The following DLG2 variants were observed in gnomAD, a reference collection of about 807,000 sequenced individuals.
DLG2 encodes the protein discs large MAGUK scaffold protein 2.
In DLG2, 45 loss-of-function variants were observed where a neutral mutation model predicts 132.5. That is an observed-to-expected ratio of 0.34 (90% confidence interval 0.27 to 0.44). The LOEUF (loss-of-function observed/expected upper bound fraction) is 0.44, where lower values mean the gene tolerates loss of function less well. DLG2 is among the 20% of genes least tolerant of loss of function. The probability of loss-of-function intolerance (pLI) is 1.00; values close to 1 mark genes in which losing one functional copy is unlikely to be tolerated. For synonymous variants in DLG2, 424 were observed against 419.6 expected, an observed-to-expected ratio of 1.01 and a Z score of -0.13; for missense variants, 1,045 against 1,196.9, an observed-to-expected ratio of 0.87 and a Z score of 1.87.
intron 6 of DLG2, among the ~76,000 whole-genome samples, chr11:84,771,895 A>G (rs1165125639): frequency 6.6e-6 from 1 of 152,216 alleles, no homozygotes; most frequent in East Asian, 1.9e-4. Context: ...ATCAATGTAC[A>G]AAAAGCAGTA....
chr11:84,986,401 A>G (rs1482419932), intron 6 of DLG2, among the ~76,000 whole-genome samples: 1 of 152,196 alleles, frequency 6.6e-6, no homozygotes, highest in Non-Finnish European at 1.5e-5. Context: ...ATTCCACAAG[A>G]TAGAGAAAGA....
chr11:84,991,240 T>A (rs1241565036), intron 6 of DLG2, among the ~76,000 whole-genome samples: 1 of 152,194 alleles, frequency 6.6e-6, no homozygotes, highest in Non-Finnish European at 1.5e-5. Flanking sequence ...TTGGGCATAG[T>A]GGCCAGTGCC....
At chr11:84,746,065 A>G (rs1484736601) in intron 6 of DLG2, among the ~76,000 whole-genome samples, 2 of 152,174 alleles carry the variant, frequency 1.3e-5, no homozygotes, top group East Asian at 1.9e-4. Context: ...TGGATGATAT[A>G]TTGTTTCTAC....
rs1274971770 is a variant in DLG2 at position 85,101,013 on chromosome 11, GT to G, written c.357+10647del. On this transcript the variant is annotated intron_variant, in intron 6 of 27. Coordinates refer to ENST00000376104, the MANE Select transcript of DLG2 (RefSeq NM_001142699.3). Reference sequence around the variant, plus strand: ...CAAAACAGCTTTAGAAATAATTTTAGTTTTTTATGTGTTGACTCATGACCAA... The same window carrying G: ...CAAAACAGCTTTAGAAATAATTTTAGTTTTTATGTGTTGACTCATGACCAA... Among the ~76,000 whole-genome samples the G allele has an allele frequency of 3.9e-5, 6 of 152,240 alleles. No individual in the cohort carries two copies. In the East Asian group the frequency reaches 1.2e-3, roughly 29 times the overall value.
intron 7 of DLG2, among the ~76,000 whole-genome samples, chr11:84,419,357 A>C (rs2098940756): frequency 6.6e-6 from 1 of 152,238 alleles, no homozygotes; most frequent in African/African-American, 2.4e-5. Flanking sequence ...GGGAGAAATT[A>C]CACAAACTAA....
chr11:84,039,268 T>A (rs1173613430), intron 11 of DLG2, among the ~76,000 whole-genome samples: 3 of 151,498 alleles, frequency 2.0e-5, no homozygotes, highest in Non-Finnish European at 4.4e-5. Context: ...GTGCACATTG[T>A]GCAGGTTAGT....
At chr11:83,466,147 T>C (rs2090994883) in intron 26 of DLG2, among the ~76,000 whole-genome samples, 1 of 152,250 alleles carries the variant, frequency 6.6e-6, no homozygotes, top group Non-Finnish European at 1.5e-5. Context: ...TTAAGAACGA[T>C]GTTCTATGTA....
At chr11:85,158,100 G>A (rs757592331) in intron 4 of DLG2, among the ~76,000 whole-genome samples, 1 of 152,098 alleles carries the variant, frequency 6.6e-6, no homozygotes, top group East Asian at 1.9e-4. Context: ...TAGAGGTGAA[G>A]TTCAGAGTGT....
chr11:85,241,119 G>A, intron 4 of DLG2, among the ~76,000 whole-genome samples: 1 of 151,116 alleles, frequency 6.6e-6, no homozygotes, highest in East Asian at 1.9e-4. Flanking sequence ...CACAGTTTTG[G>A]TAGATTTATT....
chr11:85,551,308 TA>T (rs1253302643), intron 3 of DLG2, among the ~76,000 whole-genome samples: 1 of 152,168 alleles, frequency 6.6e-6, no homozygotes, highest in East Asian at 1.9e-4. Context: ...AATATGAATA[TA>T]TAATCAGCAA....
At chr11:84,518,599 C>T (rs1411264571) in intron 7 of DLG2, among the ~76,000 whole-genome samples, 1 of 152,124 alleles carries the variant, frequency 6.6e-6, no homozygotes, top group Non-Finnish European at 1.5e-5. Flanking sequence ...TCAAAACTGT[C>T]AGCATCTGCT....
chr11:84,661,156 G>A (rs907351467), intron 6 of DLG2, among the ~76,000 whole-genome samples: 1 of 152,128 alleles, frequency 6.6e-6, no homozygotes, highest in African/African-American at 2.4e-5. Flanking sequence ...AAATGCCAAG[G>A]CATAATGCTT....
chr11:83,958,216 C>T (rs2087433371), intron 14 of DLG2, among the ~76,000 whole-genome samples: 3 of 152,116 alleles, frequency 2.0e-5, no homozygotes, highest in Admixed American at 2.0e-4. Context: ...GGCTAGTAAG[C>T]TAGTGTTCTA....
intron 7 of DLG2, among the ~76,000 whole-genome samples, chr11:84,476,619 T>G (rs1179095946): frequency 6.6e-6 from 1 of 152,208 alleles, no homozygotes; most frequent in Admixed American, 6.5e-5. Context: ...GCTATGTGAT[T>G]TCTGAAGCTA....
intron 7 of DLG2, among the ~76,000 whole-genome samples, chr11:84,331,351 T>C (rs1358347927): frequency 2.6e-5 from 4 of 151,638 alleles, no homozygotes; most frequent in Non-Finnish European, 4.4e-5. Context: ...CTCAAGGTCA[T>C]GCAGCTATTA....
intron 3 of DLG2, among the ~76,000 whole-genome samples, chr11:85,456,666 G>C (rs1198519802): frequency 6.6e-6 from 1 of 152,110 alleles, no homozygotes; most frequent in Non-Finnish European, 1.5e-5. Flanking sequence ...TGTATGTTCT[G>C]TCTTTGTTTT....
chr11:84,155,791 C>T (rs1188902832), intron 9 of DLG2, among the ~76,000 whole-genome samples: 2 of 151,922 alleles, frequency 1.3e-5, no homozygotes, highest in Non-Finnish European at 2.9e-5. Flanking sequence ...AACTAGGGCT[C>T]CAAGGGAGAA....
At chr11:84,166,221 G>A (rs185421682) in intron 8 of DLG2, among the ~76,000 whole-genome samples, 1 of 152,244 alleles carries the variant, frequency 6.6e-6, no homozygotes, top group East Asian at 1.9e-4. Context: ...TACCCCCCCA[G>A]GGCTGGGCGC....
chr11:84,340,124 G>T (rs193273055), intron 7 of DLG2, among the ~76,000 whole-genome samples: 7 of 152,144 alleles, frequency 4.6e-5, no homozygotes, highest in African/African-American at 1.7e-4. Context: ...GGAGAGTCTG[G>T]TTTATTTGCT....
Sources: gnomAD v4.1 joint callset for allele counts (sites outside exome capture counted in the v4.1 genomes callset) on GRCh38, gnomAD v4.1.1 for gene constraint, MANE v1.5 for transcripts, NCBI Gene and HGNC (gene_info 2026-07-23, HGNC 2026-07-21) for gene names.